The following TRAPPC9 variants were observed in gnomAD, a reference collection of about 807,000 sequenced individuals.
The protein encoded by TRAPPC9 is trafficking protein particle complex subunit 9.
Under a neutral mutation model 124.0 loss-of-function variants are expected in TRAPPC9, and 83 were observed. That is an observed-to-expected ratio of 0.67 (90% CI 0.56 to 0.80). The LOEUF is 0.80. TRAPPC9 is among the 30% of genes least tolerant of loss of function. TRAPPC9 has a pLI of 0.00. For synonymous variants in TRAPPC9, 638 were observed against 617.5 expected, an observed-to-expected ratio of 1.03 and a Z score of -0.49; for missense variants, 1,302 against 1,508.3, an observed-to-expected ratio of 0.86 and a Z score of 2.27.
intron 22 of TRAPPC9, 80 bp from the exon 23 acceptor site, chr8:139,731,308 C>T: frequency 6.5e-7 from 1 of 1,547,238 alleles, no homozygotes; most frequent in Non-Finnish European, 8.8e-7. Context: ...TGGGAATCTG[C>T]CTGGACATAG....
chr8:140,024,352 T>G (rs1839995983), intron 17 of TRAPPC9, among the ~76,000 whole-genome samples: 1 of 151,792 alleles, frequency 6.6e-6, no homozygotes, highest in South Asian at 2.1e-4. Context: ...AGCCTGTACA[T>G]GCAAACGGAA....
intron 21 of TRAPPC9, among the ~76,000 whole-genome samples, chr8:139,748,367 G>C (rs1475385253): frequency 2.6e-5 from 3 of 116,136 alleles, no homozygotes; most frequent in Admixed American, 8.7e-5. Flanking sequence ...GCAGGAGTCA[G>C]AGCAGGTAGG....
chr8:140,026,659 C>T (rs950250437), intron 17 of TRAPPC9, among the ~76,000 whole-genome samples: 1 of 151,906 alleles, frequency 6.6e-6, no homozygotes, highest in Admixed American at 6.6e-5. Context: ...TATTTGAGTC[C>T]TTCAGTCTCA....
chr8:140,373,885 T>C (rs931624250), intron 7 of TRAPPC9, among the ~76,000 whole-genome samples: 1 of 152,250 alleles, frequency 6.6e-6, no homozygotes, highest in Admixed American at 6.5e-5. Context: ...GTTTTATTAC[T>C]GAGTCGTACG....
intron 16 of TRAPPC9, among the ~76,000 whole-genome samples, chr8:140,233,269 A>T (rs1042484337): frequency 6.6e-6 from 1 of 151,522 alleles, no homozygotes; most frequent in Non-Finnish European, 1.5e-5. Flanking sequence ...CAGTGGTGCG[A>T]TCTCAGCTCA....
intron 9 of TRAPPC9, among the ~76,000 whole-genome samples, chr8:140,355,387 G>A (rs1043033678): frequency 2.6e-5 from 4 of 152,042 alleles, no homozygotes; most frequent in East Asian, 1.9e-4. Flanking sequence ...CCCATCAACC[G>A]CCTGATCTGA....
chr8:140,060,275 G>C (rs935469596), intron 17 of TRAPPC9, among the ~76,000 whole-genome samples: 1 of 152,150 alleles, frequency 6.6e-6, no homozygotes, highest in African/African-American at 2.4e-5. Context: ...GTCCCACGAG[G>C]TCCCTCCCCT....
In TRAPPC9 at chr8:140,451,133, T is replaced by A. The variant is rs139039328; in HGVS notation, c.241A>T (p.Ile81Phe). The A allele has an allele frequency of 1.4e-5, 23 of 1,614,086 alleles. No homozygotes were observed. The African/African-American group carries it at 3.1e-4, about 22-fold the overall frequency. ...FQTHRKVVGLITITDCFSAKD... is the reference protein window; with the variant it reads ...FQTHRKVVGLFTITDCFSAKD... ...GCCGAGAAGCAGTCTGTGATGGTGA[T>A]GAGGCCCACGACTTTGCGGTGGGTC... The change falls in exon 2 of 23, where the codon ATC (isoleucine) becomes TTC (phenylalanine). Residue 81 changes from isoleucine (I) to phenylalanine (F), a missense_variant. By Grantham distance (21) the Ile-to-Phe change is conservative. Transcript: ENST00000438773.
At chr8:139,929,398 A>T (rs985209322) in intron 19 of TRAPPC9, among the ~76,000 whole-genome samples, 2 of 152,172 alleles carry the variant, frequency 1.3e-5, no homozygotes, top group Non-Finnish European at 2.9e-5. Flanking sequence ...CTTTAGTGCA[A>T]TGCCGTTCTC....
intron 7 of TRAPPC9, among the ~76,000 whole-genome samples, chr8:140,393,032 T>TTTTTTTTTATTTTTTTTTA (rs574235886): frequency 1.4e-5 from 2 of 138,024 alleles, no homozygotes; most frequent in Non-Finnish European, 1.6e-5. Context: ...TCCCATTTTA[T>TTTTTTTTTATTTTTTTTTA]TTTTATTTTA....
intron 21 of TRAPPC9, among the ~76,000 whole-genome samples, chr8:139,739,542 T>C (rs958900400): frequency 6.6e-6 from 1 of 152,178 alleles, no homozygotes; most frequent in African/African-American, 2.4e-5. Flanking sequence ...GGCCATCCTG[T>C]CCCTCCAGCA....
chr8:140,367,867 C>G (rs1217835939), intron 8 of TRAPPC9, among the ~76,000 whole-genome samples: 1 of 152,194 alleles, frequency 6.6e-6, no homozygotes, highest in African/African-American at 2.4e-5. Context: ...ATTCACACAT[C>G]CTCATGGTCC....
intron 19 of TRAPPC9, among the ~76,000 whole-genome samples, chr8:139,968,445 G>A (rs1218442907): frequency 6.6e-6 from 1 of 152,196 alleles, no homozygotes; most frequent in East Asian, 1.9e-4. Context: ...AAATATGGTG[G>A]GGACAAGGCC....
In TRAPPC9 at chr8:140,045,618, C is replaced by T. The variant is rs566688082; in HGVS notation, c.2557-21539G>A. Among the ~76,000 whole-genome samples, 15 of 123,998 alleles carry T rather than the reference C, an allele frequency of 1.2e-4. No individual in the cohort carries two copies. In the East Asian group the frequency reaches 3.4e-3, roughly 28 times the overall value. The allele number at this position is 123,998 out of a possible 152,430, so 81.3% of individuals were successfully genotyped here. A position where few individuals can be genotyped will look rare whatever the true frequency, so the allele number is the denominator to read the frequency against. On this transcript the variant is annotated intron_variant, in intron 17 of 22. Coordinates refer to ENST00000438773, the MANE Select transcript of TRAPPC9 (RefSeq NM_001160372.4). ...CTCCAGCCTGGGAGACAGAGCAAGACTCCATCTCGGCAGAAAAAAAAAAAA... is the reference window on the plus strand; with the variant it reads ...CTCCAGCCTGGGAGACAGAGCAAGATTCCATCTCGGCAGAAAAAAAAAAAA...
intron 1 of TRAPPC9, among the ~76,000 whole-genome samples, chr8:140,452,655 AAAATT>A (rs2071507887): frequency 1.3e-5 from 2 of 152,188 alleles, no homozygotes; most frequent in Admixed American, 6.5e-5. Flanking sequence ...GAGCTGGGGA[AAAATT>A]AAATTAGATG....
At position 139,910,240 on chromosome 8, in the gene TRAPPC9, C is replaced by T. The variant is rs188700138; in HGVS notation, c.2871G>A (p.Lys957=). ...GCTGCTTGGGGTTTGCAAATTGCCCCTTCTCCCCAGGGGACTCCGGGAAAC... is the reference window on the plus strand; with the variant it reads ...GCTGCTTGGGGTTTGCAAATTGCCCTTTCTCCCCAGGGGACTCCGGGAAAC... ...FESFPESPGE[K]GQFANPKQLE... The change falls in exon 20 of 23, where the codon AAG becomes AAA. Residue 957 remains lysine, a synonymous_variant. Coordinates refer to ENST00000438773, the MANE Select transcript of TRAPPC9 (RefSeq NM_001160372.4). The T allele has an allele frequency of 4.9e-4, 798 of 1,614,128 alleles. 7 individuals carry two copies. In the East Asian group the frequency reaches 0.016, roughly 32 times the overall value.
chr8:140,031,492 T>C (rs1327643402), intron 17 of TRAPPC9, among the ~76,000 whole-genome samples: 1 of 152,230 alleles, frequency 6.6e-6, no homozygotes, highest in Non-Finnish European at 1.5e-5. Context: ...AGACCTCAAT[T>C]GAACCTGTCA....
chr8:140,383,900 G>A (rs2068682295), intron 7 of TRAPPC9, among the ~76,000 whole-genome samples: 1 of 152,150 alleles, frequency 6.6e-6, no homozygotes, highest in Non-Finnish European at 1.5e-5. Flanking sequence ...AAAATGTTAA[G>A]GGCAGCCAGA....
intron 17 of TRAPPC9, among the ~76,000 whole-genome samples, chr8:140,114,150 C>T (rs540992431): frequency 3.9e-5 from 6 of 152,022 alleles, no homozygotes; most frequent in Admixed American, 1.3e-4. Context: ...TGCTTCCGAG[C>T]GGGGACTGTT....
Sources: gnomAD v4.1 joint callset for allele counts (sites outside exome capture counted in the v4.1 genomes callset) on GRCh38, gnomAD v4.1.1 for gene constraint, MANE v1.5 for transcripts, NCBI Gene and HGNC (gene_info 2026-07-23, HGNC 2026-07-21) for gene names.